YWHAB: variants seen among roughly 807,000 people sequenced by gnomAD.
The protein encoded by YWHAB is 14-3-3 protein beta/alpha.
Under a neutral mutation model 28.5 loss-of-function variants are expected in YWHAB, and 2 were observed. The observed-to-expected ratio is 0.07, with a 90% CI of 0.03 to 0.22. The LOEUF is 0.22. Ranked by LOEUF, YWHAB falls within the 10% of genes least tolerant of loss-of-function variation. YWHAB has a pLI of 1.00. For missense variants in YWHAB, 148 were observed against 297.1 expected (o/e 0.50, Z 3.69); for synonymous variants, 103 against 104.7 (o/e 0.98, Z 0.10).
Position 44,906,498 on chromosome 20 carries a change from G to T in YWHAB, c.*60G>T, listed in dbSNP as rs1352957753. 6.9e-4 allele frequency: 436 copies of T among 631,860 alleles called. No homozygotes were observed. The highest frequency in any genetic ancestry group is 8.9e-4 in the Non-Finnish European group (382 of 428,086). The allele number at this position is 631,860 out of a possible 1,614,324, so 39.1% of individuals were successfully genotyped here. A position where few individuals can be genotyped will look rare whatever the true frequency, so the allele number is the denominator to read the frequency against. Reference sequence around the variant, plus strand: ...TCTGTACCCTCAACATATATCCCTTGTGCGATAAAAAAAAAAAAAAAAAAA... The same window carrying T: ...TCTGTACCCTCAACATATATCCCTTTTGCGATAAAAAAAAAAAAAAAAAAA... On this transcript the variant is annotated 3_prime_UTR_variant, in exon 6 of 6. Coordinates refer to ENST00000353703, the MANE Select transcript of YWHAB (RefSeq NM_139323.4).
chr20:44,896,900 G>A (rs2066599313), intron 1 of YWHAB, among the ~76,000 whole-genome samples: 1 of 152,206 alleles, frequency 6.6e-6, no homozygotes, highest in East Asian at 1.9e-4. Flanking sequence ...TATGGATTTT[G>A]TTTGTTGTAA....
intron 1 of YWHAB, among the ~76,000 whole-genome samples, chr20:44,895,431 T>G (rs187978673): frequency 5.4e-4 from 83 of 152,306 alleles, no homozygotes; most frequent in African/African-American, 1.9e-3. Context: ...TGGAAGTTAC[T>G]GAGTAAGGAC....
chr20:44,905,976 C>A, intron 4 of YWHAB, 25 bp from the exon 5 acceptor site: 1 of 1,595,538 alleles, frequency 6.3e-7, no homozygotes, highest in Non-Finnish European at 8.6e-7. Flanking sequence ...CTTGTGAATT[C>A]TTTGCTAAAG....
intron 1 of YWHAB, among the ~76,000 whole-genome samples, chr20:44,894,759 G>T (rs1299483300): frequency 6.6e-6 from 1 of 152,172 alleles, no homozygotes; most frequent in Non-Finnish European, 1.5e-5. Context: ...ACTCTACTGA[G>T]GTAGATGCCA....
rs1479198478 is a variant in YWHAB, at chr20:44,907,197, C to A, written c.*759C>A. 1 of 152,220 alleles carries A rather than the reference C, an allele frequency of 6.6e-6. No individual in the cohort carries two copies. Among genetic ancestry groups the A allele is most frequent in the Non-Finnish European group, 1.5e-5 (1 of 68,042 alleles). 9.4% of individuals were successfully genotyped at this position (152,220 alleles called of 1,614,324 possible). On this transcript the variant is annotated 3_prime_UTR_variant, in exon 6 of 6. Transcript: ENST00000353703. ...GCAACTTGTGCTTCAATAGTGGAAT[C>A]TACTTTCATTGTTAACACTGAGCTA...
intron 1 of YWHAB, among the ~76,000 whole-genome samples, chr20:44,893,917 G>A (rs1485114963): frequency 1.3e-5 from 2 of 152,062 alleles, no homozygotes; most frequent in Admixed American, 6.5e-5. Flanking sequence ...CGCTGGTCTC[G>A]AACTCCTGAC....
intron 1 of YWHAB, among the ~76,000 whole-genome samples, chr20:44,892,932 A>G (rs1016272889): frequency 6.6e-6 from 1 of 152,198 alleles, no homozygotes; most frequent in African/African-American, 2.4e-5. Flanking sequence ...TTTCTAACAA[A>G]TTATTAAATT....
At chr20:44,897,760 G>A (rs926349796) in intron 1 of YWHAB, among the ~76,000 whole-genome samples, 1 of 152,218 alleles carries the variant, frequency 6.6e-6, no homozygotes, top group African/African-American at 2.4e-5. Flanking sequence ...ATACTTTTAA[G>A]ATGGTAGAGT....
chr20:44,905,143 C>T lies in YWHAB; in HGVS notation c.588+12C>T, dbSNP rs781665864. The T allele has an allele frequency of 1.3e-6, 2 of 1,598,352 alleles. No individual in the cohort carries two copies. Among genetic ancestry groups the T allele is most frequent in the South Asian group, 2.3e-5 (2 of 88,822 alleles). Reference sequence around the variant, plus strand: ...GCCTGGCAAAAACGGTGAGAAAGACCCTTTGTGATATCTAACCATAGCAAA... The same window carrying T: ...GCCTGGCAAAAACGGTGAGAAAGACTCTTTGTGATATCTAACCATAGCAAA... On this transcript the variant is annotated intron_variant, in intron 4 of 5. Coordinates refer to ENST00000353703, the MANE Select transcript of YWHAB (RefSeq NM_139323.4).
At chr20:44,888,617 A>G (rs2145521957) in intron 1 of YWHAB, among the ~76,000 whole-genome samples, 1 of 152,332 alleles carries the variant, frequency 6.6e-6, no homozygotes, top group East Asian at 1.9e-4. Flanking sequence ...AATCCTAATA[A>G]AGTAAACGTT....
At chr20:44,899,587 G>C (rs2066615110) in intron 1 of YWHAB, among the ~76,000 whole-genome samples, 1 of 152,186 alleles carries the variant, frequency 6.6e-6, no homozygotes, top group African/African-American at 2.4e-5. Flanking sequence ...ATACTGTGTG[G>C]CACAGATTGA....
intron 1 of YWHAB, chr20:44,886,571 C>T (rs1437636186): frequency 6.6e-6 from 1 of 152,168 alleles, no homozygotes; most frequent in Non-Finnish European, 1.5e-5. Context: ...GGGTGAGAAT[C>T]GGAGTATTTT....
chr20:44,898,742 G>A (rs1016482009), intron 1 of YWHAB, among the ~76,000 whole-genome samples: 4 of 151,936 alleles, frequency 2.6e-5, no homozygotes, highest in African/African-American at 4.8e-5. Flanking sequence ...TCCTGACCTC[G>A]TGATTCACCT....
chr20:44,896,763 T>A (rs922673333), intron 1 of YWHAB, among the ~76,000 whole-genome samples: 2 of 152,240 alleles, frequency 1.3e-5, no homozygotes, highest in African/African-American at 4.8e-5. Context: ...CATTTCTCCT[T>A]TGCTGCCTTC....
At chr20:44,894,536 A>G (rs536549594) in intron 1 of YWHAB, among the ~76,000 whole-genome samples, 3 of 152,332 alleles carry the variant, frequency 2.0e-5, no homozygotes, top group South Asian at 4.1e-4. Context: ...CATACTAACT[A>G]TCTGTACAAG....
At chr20:44,893,107 TTTTC>T (rs957319610) in intron 1 of YWHAB, among the ~76,000 whole-genome samples, 11 of 152,312 alleles carry the variant, frequency 7.2e-5, no homozygotes, top group South Asian at 2.1e-4. Context: ...CTTCTTTTTC[TTTTC>T]TTTCTTTCTT....
At chr20:44,890,615 A>G (rs1028385150) in intron 1 of YWHAB, among the ~76,000 whole-genome samples, 4 of 150,928 alleles carry the variant, frequency 2.7e-5, no homozygotes, top group East Asian at 2.0e-4. Flanking sequence ...GGTTCAAGCA[A>G]TTCTCCTGCC....
chr20:44,894,346 T>C (rs2066582683), intron 1 of YWHAB, among the ~76,000 whole-genome samples: 1 of 152,162 alleles, frequency 6.6e-6, no homozygotes, highest in Non-Finnish European at 1.5e-5. Context: ...TTCAAAAACT[T>C]TTTAGGAGAC....
rs757852132 is a variant in YWHAB at position 44,903,980 on chromosome 20, G to A, written c.301-13G>A. The A allele has an allele frequency of 6.3e-7, 1 of 1,592,918 alleles. No homozygotes were observed. The highest frequency in any genetic ancestry group is 1.2e-5 in the South Asian group (1 of 86,212). Reference sequence around the variant, plus strand: ...TGAATAATTCTAAATTCTTAACAATGTTCATTTTTTAGGAGCTGTTGGACA... The same window carrying A: ...TGAATAATTCTAAATTCTTAACAATATTCATTTTTTAGGAGCTGTTGGACA... On this transcript the variant is annotated splice_polypyrimidine_tract_variant and intron_variant, in intron 2 of 5. Coordinates refer to ENST00000353703, the MANE Select transcript of YWHAB (RefSeq NM_139323.4).
Sources: allele counts gnomAD v4.1 joint callset (sites outside exome capture counted in the v4.1 genomes callset), GRCh38; gene constraint gnomAD v4.1.1; transcripts MANE v1.5; gene names NCBI Gene and HGNC (gene_info 2026-07-23, HGNC 2026-07-21).